Variants in SGCZ observed in about 807,000 individuals in gnomAD.
SGCZ encodes sarcoglycan zeta.
In SGCZ, 40 loss-of-function variants were observed where a neutral mutation model predicts 41.3. The observed-to-expected ratio is 0.97, with a 90% CI of 0.75 to 1.26. SGCZ has a LOEUF of 1.26. Ranked by LOEUF, SGCZ falls within the 50% of genes most tolerant of loss-of-function variation. The pLI is 0.00. For synonymous variants in SGCZ, 206 were observed against 137.5 expected, an observed-to-expected ratio of 1.50 and a Z score of -3.49; for missense variants, 552 against 369.8, an observed-to-expected ratio of 1.49 and a Z score of -4.04.
At chr8:14,795,860 G>A (rs978855368) in intron 1 of SGCZ, among the ~76,000 whole-genome samples, 7 of 151,978 alleles carry the variant, frequency 4.6e-5, no homozygotes, top group African/African-American at 1.5e-4. Context: ...AGTGTGTGTT[G>A]TTCCCCTCTA....
At chr8:14,881,780 T>C (rs1490924767) in intron 1 of SGCZ, among the ~76,000 whole-genome samples, 2 of 152,144 alleles carry the variant, frequency 1.3e-5, no homozygotes, top group Non-Finnish European at 2.9e-5. Flanking sequence ...GAATATACAT[T>C]TTCTCATTGC....
intron 4 of SGCZ, chr8:14,165,151 T>C (rs1804170031): frequency 6.5e-6 from 1 of 154,104 alleles, no homozygotes; most frequent in Non-Finnish European, 1.4e-5. Context: ...TGTTAAGCAT[T>C]ATTCAATTAT....
chr8:14,334,992 G>A (rs568467423), intron 2 of SGCZ, among the ~76,000 whole-genome samples: 2 of 152,218 alleles, frequency 1.3e-5, no homozygotes, highest in East Asian at 1.9e-4. Context: ...ATATCCTTCT[G>A]AGCTGGGACT....
chr8:14,769,107 G>A (rs748412504), intron 1 of SGCZ, among the ~76,000 whole-genome samples: 3 of 151,780 alleles, frequency 2.0e-5, no homozygotes, highest in Non-Finnish European at 4.4e-5. Flanking sequence ...TAAATCCGCC[G>A]AATAAAACTA....
At chr8:14,743,564 T>C (rs1799257902) in intron 1 of SGCZ, among the ~76,000 whole-genome samples, 1 of 152,032 alleles carries the variant, frequency 6.6e-6, no homozygotes, top group Non-Finnish European at 1.5e-5. Context: ...AAGAATAAAA[T>C]ACTTAAGTTT....
At chr8:14,786,763 G>A (rs1800779161) in intron 1 of SGCZ, among the ~76,000 whole-genome samples, 1 of 149,720 alleles carries the variant, frequency 6.7e-6, no homozygotes, top group African/African-American at 2.5e-5. Context: ...TCATAAATTA[G>A]AAGCAAAATA....
At chr8:14,503,579 C>T (rs1802217624) in intron 2 of SGCZ, among the ~76,000 whole-genome samples, 1 of 152,026 alleles carries the variant, frequency 6.6e-6, no homozygotes, top group South Asian at 2.1e-4. Context: ...ACTACCCTGG[C>T]CAACATGCTA....
At chr8:14,256,765 C>A (rs1799480516) in intron 3 of SGCZ, among the ~76,000 whole-genome samples, 1 of 152,158 alleles carries the variant, frequency 6.6e-6, no homozygotes, top group Non-Finnish European at 1.5e-5. Flanking sequence ...AATCTATCCA[C>A]AACACAAAAT....
At chr8:14,428,088 G>T (rs965906772) in intron 2 of SGCZ, among the ~76,000 whole-genome samples, 4 of 149,556 alleles carry the variant, frequency 2.7e-5, no homozygotes, top group African/African-American at 9.9e-5. Flanking sequence ...AGATACTGAA[G>T]AATGGTTGTA....
intron 1 of SGCZ, among the ~76,000 whole-genome samples, chr8:15,086,026 T>C (rs1338282825): frequency 6.6e-6 from 1 of 152,242 alleles, no homozygotes; most frequent in Non-Finnish European, 1.5e-5. Flanking sequence ...TAATAAACAT[T>C]TGCTTCTAGA....
chr8:14,482,529 T>C (rs1801562767), intron 2 of SGCZ, among the ~76,000 whole-genome samples: 1 of 152,110 alleles, frequency 6.6e-6, no homozygotes, highest in Non-Finnish European at 1.5e-5. Flanking sequence ...TTTGGAAGAG[T>C]CTTTTCTTGC....
At chr8:15,034,854 G>T (rs542116938) in intron 1 of SGCZ, among the ~76,000 whole-genome samples, 6 of 152,148 alleles carry the variant, frequency 3.9e-5, no homozygotes, top group African/African-American at 1.4e-4. Context: ...ATTGTATCTG[G>T]CAAAAATATT....
chr8:14,867,422 T>A (rs1008515665), intron 1 of SGCZ, among the ~76,000 whole-genome samples: 1 of 152,148 alleles, frequency 6.6e-6, no homozygotes. Context: ...TACACATGCA[T>A]GTATCTTTAT....
intron 5 of SGCZ, among the ~76,000 whole-genome samples, chr8:14,123,252 G>C (rs1255630146): frequency 6.6e-6 from 1 of 152,142 alleles, no homozygotes; most frequent in Admixed American, 6.5e-5. Context: ...TTGTCTTAAA[G>C]ACCGAAAATA....
intron 1 of SGCZ, among the ~76,000 whole-genome samples, chr8:14,645,053 GA>G (rs1381665225): frequency 6.6e-6 from 1 of 151,568 alleles, no homozygotes; most frequent in Non-Finnish European, 1.5e-5. Flanking sequence ...AAATATTTGA[GA>G]AAAGGCTTAG....
At chr8:14,917,818 G>T (rs946671846) in intron 1 of SGCZ, among the ~76,000 whole-genome samples, 5 of 152,028 alleles carry the variant, frequency 3.3e-5, no homozygotes, top group Non-Finnish European at 7.4e-5. Context: ...CATATCACAT[G>T]TGCCTTTCTC....
chr8:14,724,033 T>C (rs904606604), intron 1 of SGCZ, among the ~76,000 whole-genome samples: 7 of 152,090 alleles, frequency 4.6e-5, no homozygotes, highest in Non-Finnish European at 8.8e-5. Context: ...ACTCTTGGTG[T>C]TAAAGAACAA....
chr8:14,939,257 G>C (rs1316812138), intron 1 of SGCZ, among the ~76,000 whole-genome samples: 4 of 152,096 alleles, frequency 2.6e-5, no homozygotes, highest in Non-Finnish European at 5.9e-5. Context: ...TTTGTCAGCA[G>C]CTGGTATTCA....
intron 1 of SGCZ, among the ~76,000 whole-genome samples, chr8:14,718,795 C>A (rs1809782257): frequency 6.6e-6 from 1 of 150,862 alleles, no homozygotes; most frequent in Admixed American, 6.6e-5. Flanking sequence ...GAAATCCCTT[C>A]TTCTTACTTC....
Sources: gnomAD v4.1 joint callset for allele counts (sites outside exome capture counted in the v4.1 genomes callset) on GRCh38, gnomAD v4.1.1 for gene constraint, MANE v1.5 for transcripts, NCBI Gene and HGNC (gene_info 2026-07-23, HGNC 2026-07-21) for gene names.